The following ERBB4 variants were observed in gnomAD, a reference collection of about 807,000 sequenced individuals.
ERBB4 encodes the protein erb-b2 receptor tyrosine kinase 4.
In ERBB4, 42 loss-of-function variants were observed where a neutral mutation model predicts 158.0. The observed-to-expected ratio is 0.27, with a 90% CI of 0.21 to 0.34. The LOEUF is 0.34. ERBB4 is among the 10% of genes least tolerant of loss of function. The probability of loss-of-function intolerance (pLI) is 1.00; values close to 1 mark genes in which losing one functional copy is unlikely to be tolerated. For synonymous variants in ERBB4, 583 were observed against 558.7 expected (o/e 1.04, Z -0.61); for missense variants, 1,333 against 1,624.1 (o/e 0.82, Z 3.08).
chr2:212,008,637 A>G lies in ERBB4; in HGVS notation c.235-61021T>C, dbSNP rs1048867055. On this transcript the variant is annotated intron_variant, in intron 2 of 27. Transcript: ENST00000342788. Reference sequence around the variant, plus strand: ...CACTGTACTCTATTCATAAAACCACACATCTTAAAATTACTGACAGGCTCA... The same window carrying G: ...CACTGTACTCTATTCATAAAACCACGCATCTTAAAATTACTGACAGGCTCA... Among the ~76,000 whole-genome samples the G allele has an allele frequency of 3.3e-5, 5 of 152,240 alleles. No individual in the cohort carries two copies. In the East Asian group the frequency reaches 7.7e-4, roughly 23 times the overall value.
intron 1 of ERBB4, among the ~76,000 whole-genome samples, chr2:212,278,529 C>T (rs527272970): frequency 7.9e-5 from 12 of 151,696 alleles, no homozygotes; most frequent in African/African-American, 2.9e-4. Context: ...TGATTTTAGG[C>T]CACACCAGCA....
intron 25 of ERBB4, among the ~76,000 whole-genome samples, chr2:211,395,330 A>G (rs1039711160): frequency 2.0e-5 from 3 of 152,054 alleles, no homozygotes; most frequent in Non-Finnish European, 2.9e-5. Context: ...AGACTCTGAC[A>G]CTCTGAGAGG....
chr2:211,678,705 G>A (rs1206803464), intron 13 of ERBB4, among the ~76,000 whole-genome samples: 5 of 152,096 alleles, frequency 3.3e-5, no homozygotes, highest in African/African-American at 4.8e-5. Flanking sequence ...AGTGGCTCAC[G>A]CCTGTAATCC....
chr2:211,393,265 C>G (rs180814386), intron 25 of ERBB4, among the ~76,000 whole-genome samples: 1 of 152,074 alleles, frequency 6.6e-6, no homozygotes, highest in African/African-American at 2.4e-5. Context: ...CTACCCTATA[C>G]CATGGACTAT....
chr2:211,637,570 GC>G (rs2070407065), intron 16 of ERBB4, among the ~76,000 whole-genome samples: 1 of 151,646 alleles, frequency 6.6e-6, no homozygotes, highest in Non-Finnish European at 1.5e-5. Context: ...TAAACCAAAG[GC>G]TTTTTTGATC....
chr2:212,319,698 T>A (rs2087468681), intron 1 of ERBB4, among the ~76,000 whole-genome samples: 1 of 150,306 alleles, frequency 6.7e-6, no homozygotes, highest in Non-Finnish European at 1.5e-5. Flanking sequence ...AGACAGAAGC[T>A]CCAGTGGCTA....
At chr2:212,020,740 A>G (rs1445122003) in intron 2 of ERBB4, among the ~76,000 whole-genome samples, 1 of 152,114 alleles carries the variant, frequency 6.6e-6, no homozygotes, top group Admixed American at 6.6e-5. Flanking sequence ...TAGTTACTTT[A>G]CTGATATTTG....
At chr2:211,460,663 T>C (rs1282196704) in intron 20 of ERBB4, among the ~76,000 whole-genome samples, 1 of 152,188 alleles carries the variant, frequency 6.6e-6, no homozygotes, top group Non-Finnish European at 1.5e-5. Context: ...GTATTTCAAC[T>C]TGCCATGTTG....
Position 211,857,199 on chromosome 2 carries a change from C to A in ERBB4, c.422-69040G>T, listed in dbSNP as rs1280183602. Reference sequence around the variant, plus strand: ...TGTTTGTGTGTCTTAGGTATTGTTTCTTTAATAAAAGAATAACGATAGTTT... The same window carrying A: ...TGTTTGTGTGTCTTAGGTATTGTTTATTTAATAAAAGAATAACGATAGTTT... On this transcript the variant is annotated intron_variant, in intron 3 of 27. Transcript: ENST00000342788. Among the ~76,000 whole-genome samples, 4 of 151,502 alleles carry A rather than the reference C, an allele frequency of 2.6e-5. No individual in the cohort carries two copies. In the South Asian group the frequency reaches 8.3e-4, roughly 32 times the overall value.
intron 1 of ERBB4, among the ~76,000 whole-genome samples, chr2:212,302,549 G>A (rs1505344): frequency 0.53 from 80,784 of 151,044 alleles, 25,279 homozygotes; most frequent in East Asian, 0.84. Flanking sequence ...ATTGCAGTAC[G>A]ATAAAACATT....
In ERBB4 at chr2:211,954,865, G is replaced by A. The variant is rs566933505; in HGVS notation, c.235-7249C>T. On this transcript the variant is annotated intron_variant, in intron 2 of 27. Coordinates refer to ENST00000342788, the MANE Select transcript of ERBB4 (RefSeq NM_005235.3). ...AACATTCTTAACTATGACATAGCAT[G>A]AAAAAGTTTACCAGAATAAAAGTAC... 2.6e-5 allele frequency among the ~76,000 whole-genome samples: 4 copies of A among 152,144 alleles called. No homozygotes were observed. The East Asian group carries it at 7.7e-4, about 29-fold the overall frequency.
chr2:212,014,840 A>G (rs1347395622), intron 2 of ERBB4, among the ~76,000 whole-genome samples: 1 of 151,622 alleles, frequency 6.6e-6, no homozygotes, highest in Non-Finnish European at 1.5e-5. Flanking sequence ...AATATTGTTT[A>G]CTTGTGCACC....
intron 1 of ERBB4, among the ~76,000 whole-genome samples, chr2:212,372,514 T>G (rs1847673): frequency 6.6e-6 from 1 of 151,864 alleles, no homozygotes; most frequent in South Asian, 2.1e-4. Flanking sequence ...CTTTGGGAGG[T>G]TGAGGCGGGC....
At chr2:212,336,777 T>C (rs1358550777) in intron 1 of ERBB4, among the ~76,000 whole-genome samples, 3 of 152,076 alleles carry the variant, frequency 2.0e-5, no homozygotes, top group Admixed American at 6.6e-5. Context: ...GCACTGAGAT[T>C]AGGCTTCCCA....
chr2:211,826,247 TA>T (rs1471688090), intron 3 of ERBB4, among the ~76,000 whole-genome samples: 1 of 151,754 alleles, frequency 6.6e-6, no homozygotes, highest in Non-Finnish European at 1.5e-5. Flanking sequence ...TTGCTTTTTT[TA>T]AAAAAATCCA....
chr2:212,256,911 T>G (rs530031580), intron 1 of ERBB4, among the ~76,000 whole-genome samples: 53 of 152,324 alleles, frequency 3.5e-4, no homozygotes, highest in African/African-American at 1.2e-3. Context: ...TTTGTGTTAT[T>G]TAAATAATTT....
At chr2:211,979,912 C>T (rs1322178032) in intron 2 of ERBB4, among the ~76,000 whole-genome samples, 2 of 152,194 alleles carry the variant, frequency 1.3e-5, no homozygotes, top group African/African-American at 4.8e-5. Flanking sequence ...GTTACTGAAC[C>T]TCCATTTTCT....
intron 19 of ERBB4, among the ~76,000 whole-genome samples, chr2:211,605,258 A>G (rs757011155): frequency 6.6e-6 from 1 of 152,172 alleles, no homozygotes; most frequent in East Asian, 1.9e-4. Context: ...CTGTAATGAG[A>G]TGAATACTAA....
In ERBB4 at chr2:212,113,498, C is replaced by T. The variant is rs186645054; in HGVS notation, c.234+11254G>A. 7.3e-3 allele frequency among the ~76,000 whole-genome samples: 990 copies of T among 135,712 alleles called. 10 individuals carry two copies. Among genetic ancestry groups the T allele is most frequent in the African/African-American group, 0.025 (919 of 36,946 alleles). The allele number at this position is 135,712 out of a possible 152,430, so 89.0% of individuals were successfully genotyped here. ...CTGAGGCAGGAGAATGGTGTGAACC[C>T]GGGAGGCGGAGCTTGCAGTGAGCCG... On this transcript the variant is annotated intron_variant, in intron 2 of 27. Coordinates refer to ENST00000342788, the MANE Select transcript of ERBB4 (RefSeq NM_005235.3).
Sources: allele counts gnomAD v4.1 joint callset (sites outside exome capture counted in the v4.1 genomes callset), GRCh38; gene constraint gnomAD v4.1.1; transcripts MANE v1.5; gene names NCBI Gene and HGNC (gene_info 2026-07-23, HGNC 2026-07-21).